The following WDR64 variants were observed in gnomAD, a reference collection of about 807,000 sequenced individuals.
The protein encoded by WDR64 is WD repeat-containing protein 64.
Under a neutral mutation model 139.3 loss-of-function variants are expected in WDR64, and 112 were observed. That is an observed-to-expected ratio of 0.80 (90% CI 0.69 to 0.94). The LOEUF (loss-of-function observed/expected upper bound fraction) is 0.94, where lower values mean the gene tolerates loss of function less well. Ranked by LOEUF, WDR64 falls within the 40% of genes least tolerant of loss-of-function variation. The pLI is 0.00. For synonymous variants in WDR64, 444 were observed against 437.7 expected, an observed-to-expected ratio of 1.01 and a Z score of -0.18; for missense variants, 1,206 against 1,293.1, an observed-to-expected ratio of 0.93 and a Z score of 1.03.
At chr1:241,743,463 C>A (rs927606822) in intron 12 of WDR64, among the ~76,000 whole-genome samples, 9 of 152,166 alleles carry the variant, frequency 5.9e-5, no homozygotes, top group African/African-American at 2.2e-4. Flanking sequence ...CATTATCAGG[C>A]CCCCAGACTA....
At chr1:241,653,684 C>T (rs181674267) in intron 1 of WDR64, among the ~76,000 whole-genome samples, 1,899 of 152,054 alleles carry the variant, frequency 0.012, 24 homozygotes, top group Middle Eastern at 0.031. Flanking sequence ...GCTGGGATTA[C>T]AGGCACCCAC....
In WDR64 at chr1:241,656,882, G is replaced by A. The variant is rs865984197; in HGVS notation, c.146-3648G>A. The stretch of plus-strand genomic sequence containing the variant: ...TCTTTGCCAAATGTTGTGTGTGTGT[G>A]TGTGTGTGTGTGTGTGTGTGTGTGT... On this transcript the variant is annotated intron_variant, in intron 1 of 27. Transcript: ENST00000437684. The surrounding 1 kb of genome is among the most constrained non-coding windows in gnomAD (Gnocchi z 4.3). 4.7e-5 allele frequency among the ~76,000 whole-genome samples: 7 copies of A among 148,490 alleles called. No homozygotes were observed. Among genetic ancestry groups the A allele is most frequent in the South Asian group, 2.1e-4 (1 of 4,652 alleles).
chr1:241,783,114 A>T (rs934645138), intron 22 of WDR64, among the ~76,000 whole-genome samples, 158 bp from the exon 23 acceptor site: 1 of 152,244 alleles, frequency 6.6e-6, no homozygotes. Flanking sequence ...CCAACAAGCA[A>T]GAGAAGAGCT....
Position 241,687,901 on chromosome 1 carries a change from A to G in WDR64, c.974+306A>G, listed in dbSNP as rs151306879. 2.1e-3 allele frequency among the ~76,000 whole-genome samples: 315 copies of G among 152,360 alleles called. 4 individuals are homozygous for G. The East Asian group carries it at 0.054, about 26-fold the overall frequency. Reference sequence around the variant, plus strand: ...AATATAGTTCTGTTGGTAAAATTTTATAATTTTAAAATCATTCTTACAGGT... The same window carrying G: ...AATATAGTTCTGTTGGTAAAATTTTGTAATTTTAAAATCATTCTTACAGGT... On this transcript the variant is annotated intron_variant, in intron 8 of 27. Coordinates refer to ENST00000437684, the MANE Select transcript of WDR64 (RefSeq NM_001367482.1).
At chr1:241,766,892 T>C (rs891463385) in intron 16 of WDR64, among the ~76,000 whole-genome samples, 2 of 152,202 alleles carry the variant, frequency 1.3e-5, no homozygotes, top group Admixed American at 1.3e-4. Context: ...TTTACTATTC[T>C]CAACTAGTAT....
chr1:241,692,920 G>T (rs1667352792), intron 8 of WDR64, among the ~76,000 whole-genome samples: 1 of 152,194 alleles, frequency 6.6e-6, no homozygotes, highest in Non-Finnish European at 1.5e-5. Flanking sequence ...ACCAAATGCT[G>T]GTGGGGTGTG....
At chr1:241,687,624 A>T in intron 8 of WDR64, 29 bp downstream of exon 8, 2 of 1,574,464 alleles carry the variant, frequency 1.3e-6, no homozygotes, top group Non-Finnish European at 1.7e-6. Context: ...ATACATGAAC[A>T]GTCTGTGAAT....
Position 241,749,688 on chromosome 1 carries a change from C to T in WDR64, c.1736C>T (p.Ala579Val). Residue 579 changes from alanine (A) to valine (V), a missense_variant, in exon 14 of 28, where the codon GCC becomes GTC. Ala to Val is a moderately conservative substitution (Grantham distance 64). Coordinates refer to ENST00000437684, the MANE Select transcript of WDR64 (RefSeq NM_001367482.1). ...GAAAAACACCAGCAGCTGGTCCTGG[C>T]CTTGGAGCGCAACGGGACTATCAAA... ...AQEKHQQLVL[A>V]LERNGTIKMI... 1 of 1,614,046 alleles carries T rather than the reference C, an allele frequency of 6.2e-7. No individual in the cohort carries two copies. Among genetic ancestry groups the T allele is most frequent in the Non-Finnish European group, 8.5e-7 (1 of 1,179,984 alleles).
chr1:241,743,359 A>T (rs972245496), intron 12 of WDR64, among the ~76,000 whole-genome samples: 9 of 152,194 alleles, frequency 5.9e-5, no homozygotes, highest in Middle Eastern at 6.8e-3. Context: ...CCCTGTCTAT[A>T]ATCAGGGACA....
At chr1:241,672,953 A>G (rs887873951) in intron 3 of WDR64, among the ~76,000 whole-genome samples, 2 of 152,144 alleles carry the variant, frequency 1.3e-5, no homozygotes, top group African/African-American at 4.8e-5. Flanking sequence ...CTGTGGATAG[A>G]GGAGGGAGTC....
intron 2 of WDR64, among the ~76,000 whole-genome samples, chr1:241,667,628 C>T (rs1489918290): frequency 6.6e-6 from 1 of 152,008 alleles, no homozygotes; most frequent in Non-Finnish European, 1.5e-5. Flanking sequence ...ATAGGAGGGC[C>T]CATGTACTAG....
intron 10 of WDR64, among the ~76,000 whole-genome samples, chr1:241,736,155 T>A (rs1451507816): frequency 6.6e-6 from 1 of 152,148 alleles, no homozygotes; most frequent in African/African-American, 2.4e-5. Context: ...TCTGGTCCTG[T>A]CTGTCTGCAG....
At chr1:241,726,059 GGTCT>G (rs910597940) in intron 10 of WDR64, among the ~76,000 whole-genome samples, 9 of 150,204 alleles carry the variant, frequency 6.0e-5, no homozygotes, top group African/African-American at 2.0e-4. Flanking sequence ...TTTTTTTTTA[GGTCT>G]GTCTAATTTG....
At chr1:241,674,914 T>TTCCCTCCC (rs1666421681) in intron 4 of WDR64, among the ~76,000 whole-genome samples, 167 bp downstream of exon 4, 1 of 56,458 alleles carries the variant, frequency 1.8e-5, no homozygotes, top group Non-Finnish European at 4.3e-5. Flanking sequence ...CTCTTATTCC[T>TTCCCTCCC]TCCTTCCTTC....
rs1658172876 is a variant in WDR64, at chr1:241,766,386, C to T, written c.2081+35C>T. ...GTATTATCCTTAAACAATGTAAAAG[C>T]TTTACTGCAGAAGGGCTCAGTAGCA... On this transcript the variant is annotated intron_variant, in intron 16 of 27. Coordinates refer to ENST00000437684, the MANE Select transcript of WDR64 (RefSeq NM_001367482.1). 4 of 1,601,770 alleles carry T rather than the reference C, an allele frequency of 2.5e-6. No homozygotes were observed. In the East Asian group the frequency reaches 9.0e-5, roughly 36 times the overall value.
chr1:241,692,995 C>T (rs1411250362), intron 8 of WDR64, among the ~76,000 whole-genome samples: 4 of 152,134 alleles, frequency 2.6e-5, no homozygotes, highest in Admixed American at 6.6e-5. Flanking sequence ...TTTAGAATTC[C>T]GCTTGACCGT....
chr1:241,695,991 G>A (rs997327317), intron 8 of WDR64, among the ~76,000 whole-genome samples: 1 of 151,584 alleles, frequency 6.6e-6, no homozygotes, highest in Admixed American at 6.6e-5. Context: ...GCATGCGCCT[G>A]TGGTCCCAGC....
At position 241,654,641 on chromosome 1, in the gene WDR64, C is replaced by T. The variant is rs147957857; in HGVS notation, c.145+2012C>T. Among the ~76,000 whole-genome samples, 13 of 151,986 alleles carry T rather than the reference C, an allele frequency of 8.6e-5. No individual in the cohort carries two copies. The East Asian group carries it at 2.5e-3, about 29-fold the overall frequency. Reference sequence around the variant, plus strand: ...GTCTTAGAGCATAGCTACCATCTAACTAGTTTCCTAAGCCAGATATCTTGG... The same window carrying T: ...GTCTTAGAGCATAGCTACCATCTAATTAGTTTCCTAAGCCAGATATCTTGG... On this transcript the variant is annotated intron_variant, in intron 1 of 27. Transcript: ENST00000437684.
chr1:241,669,970 G>C (rs948117096), intron 2 of WDR64, among the ~76,000 whole-genome samples: 1 of 152,108 alleles, frequency 6.6e-6, no homozygotes, highest in Non-Finnish European at 1.5e-5. Context: ...TATGCACAGT[G>C]AAATTTCAAA....
Sources: allele counts gnomAD v4.1 joint callset (sites outside exome capture counted in the v4.1 genomes callset), GRCh38; gene constraint gnomAD v4.1.1; non-coding constraint Gnocchi (gnomAD v3.1); transcripts MANE v1.5; gene names NCBI Gene and HGNC (gene_info 2026-07-23, HGNC 2026-07-21).